The following DNAAF11 variants were observed in gnomAD, a reference collection of about 807,000 sequenced individuals.
The protein encoded by DNAAF11 is leucine rich repeat containing 6.
A neutral mutation model predicts 60.8 loss-of-function variants in DNAAF11; 45 were observed. That is an observed-to-expected ratio of 0.74 (90% CI 0.58 to 0.95). DNAAF11 has a LOEUF of 0.95. Among genes scored for constraint, DNAAF11 ranks in the 40% least tolerant of loss-of-function variants. The pLI is 0.00. For missense variants in DNAAF11, 546 were observed against 546.2 expected, an observed-to-expected ratio of 1.00 and a Z score of 0.00; for synonymous variants, 191 against 183.5, an observed-to-expected ratio of 1.04 and a Z score of -0.33.
At chr8:132,649,750 A>T (rs986317117) in intron 3 of DNAAF11, among the ~76,000 whole-genome samples, 1 of 152,268 alleles carries the variant, frequency 6.6e-6, no homozygotes, top group African/African-American at 2.4e-5. Context: ...TTATGCAGCC[A>T]ACAGACGCAT....
chr8:132,610,778 T>A (rs1818579895), intron 9 of DNAAF11, among the ~76,000 whole-genome samples: 1 of 152,182 alleles, frequency 6.6e-6, no homozygotes, highest in African/African-American at 2.4e-5. Context: ...TCCAACTACA[T>A]ATGGTCAGCA....
chr8:132,577,308 G>A (rs1814851820), intron 11 of DNAAF11, among the ~76,000 whole-genome samples: 2 of 152,240 alleles, frequency 1.3e-5, no homozygotes, highest in South Asian at 2.1e-4. Context: ...CTAAGCTGCC[G>A]AACCACCTAC....
At chr8:132,688,160 C>T in the DNAAF11 span, among the ~76,000 whole-genome samples, 13 of 152,304 alleles carry the variant, frequency 8.5e-5, no homozygotes, top group South Asian at 2.7e-3. Context: ...AATGTCCCGG[C>T]TCTCAACACC....
intron 11 of DNAAF11, among the ~76,000 whole-genome samples, chr8:132,575,795 G>A (rs1047854937): frequency 2.9e-4 from 44 of 152,310 alleles, no homozygotes; most frequent in African/African-American, 8.4e-4. Context: ...TACCTTCAGA[G>A]AGTGAGGTAC....
chr8:132,667,955 T>A (rs1455141219), intron 1 of DNAAF11, among the ~76,000 whole-genome samples: 2 of 152,212 alleles, frequency 1.3e-5, no homozygotes, highest in Admixed American at 1.3e-4. Flanking sequence ...TAATTTAGTG[T>A]TCATTCCTTC....
chr8:132,597,277 G>A (rs1350451628), intron 10 of DNAAF11, among the ~76,000 whole-genome samples: 8 of 152,140 alleles, frequency 5.3e-5, no homozygotes, highest in Admixed American at 3.3e-4. Context: ...AGAGCCCACC[G>A]AGCACTGCCA....
intron 11 of DNAAF11, among the ~76,000 whole-genome samples, chr8:132,581,378 G>A (rs534929871): frequency 4.6e-5 from 7 of 152,088 alleles, no homozygotes; most frequent in South Asian, 2.1e-4. Flanking sequence ...GGCTGGGTGC[G>A]GTGGCTCACA....
intron 3 of DNAAF11, among the ~76,000 whole-genome samples, chr8:132,654,768 C>T (rs1471093986): frequency 6.8e-6 from 1 of 147,044 alleles, no homozygotes; most frequent in Non-Finnish European, 1.5e-5. Flanking sequence ...AACTTAGATG[C>T]AAAAAAGTAA....
chr8:132,650,328 T>C (rs1431153933), intron 3 of DNAAF11, among the ~76,000 whole-genome samples: 1 of 145,178 alleles, frequency 6.9e-6, no homozygotes, highest in Non-Finnish European at 1.5e-5. Flanking sequence ...TGAGAACACA[T>C]GGACACAGGG....
chr8:132,642,807 T>C (rs1167565831), intron 3 of DNAAF11, among the ~76,000 whole-genome samples: 6 of 152,204 alleles, frequency 3.9e-5, no homozygotes, highest in Non-Finnish European at 8.8e-5. Flanking sequence ...TACCAAAGTT[T>C]ACACAGCTCC....
intron 1 of DNAAF11, among the ~76,000 whole-genome samples, chr8:132,670,893 C>T (rs548021171): frequency 2.6e-5 from 4 of 152,092 alleles, no homozygotes; most frequent in Non-Finnish European, 5.9e-5. Flanking sequence ...ACAAAATCCA[C>T]CATCCATTCC....
At chr8:132,582,753 C>T (rs965836660) in intron 11 of DNAAF11, among the ~76,000 whole-genome samples, 1 of 152,204 alleles carries the variant, frequency 6.6e-6, no homozygotes, top group African/African-American at 2.4e-5. Context: ...ATATATATAG[C>T]TCTTGTTCAG....
At chr8:132,659,557 C>CA (rs921525516) in intron 2 of DNAAF11, among the ~76,000 whole-genome samples, 55 of 152,296 alleles carry the variant, frequency 3.6e-4, no homozygotes, top group African/African-American at 1.1e-3. Flanking sequence ...TTCATGCCCC[C>CA]ATGCATAAAA....
intron 10 of DNAAF11, among the ~76,000 whole-genome samples, chr8:132,601,501 T>C (rs1049666869): frequency 2.0e-4 from 31 of 152,218 alleles, no homozygotes; most frequent in African/African-American, 7.5e-4. Flanking sequence ...CTATTCACAA[T>C]AGCAAAGACT....
At chr8:132,593,731 C>T (rs751073413) in intron 10 of DNAAF11, among the ~76,000 whole-genome samples, 5 of 151,944 alleles carry the variant, frequency 3.3e-5, no homozygotes, top group Non-Finnish European at 5.9e-5. Context: ...GAAAAAAACA[C>T]AGGCCTAAAA....
chr8:132,701,668 T>C, the DNAAF11 span, among the ~76,000 whole-genome samples: 4 of 152,248 alleles, frequency 2.6e-5, no homozygotes, highest in Non-Finnish European at 5.9e-5. Flanking sequence ...TGCTTCCCTT[T>C]GGATAAAGTG....
chr8:132,665,117 T>C (rs1485314523), intron 1 of DNAAF11, among the ~76,000 whole-genome samples: 1 of 152,082 alleles, frequency 6.6e-6, no homozygotes, highest in African/African-American at 2.4e-5. Context: ...CCAGCAGATC[T>C]TTTCTAAACT....
At chr8:132,616,948 G>A (rs1332085581) in intron 7 of DNAAF11, among the ~76,000 whole-genome samples, 1 of 152,124 alleles carries the variant, frequency 6.6e-6, no homozygotes, top group South Asian at 2.1e-4. Context: ...ATTCTGATTG[G>A]CTACTGTTGA....
chr8:132,695,624 T>C, the DNAAF11 span, among the ~76,000 whole-genome samples: 1 of 152,050 alleles, frequency 6.6e-6, no homozygotes, highest in East Asian at 1.9e-4. Context: ...AGAGGATAAG[T>C]ATGAAATAAT....
Sources: gnomAD v4.1 joint callset for allele counts (sites outside exome capture counted in the v4.1 genomes callset) on GRCh38, gnomAD v4.1.1 for gene constraint, MANE v1.5 for transcripts, NCBI Gene and HGNC (gene_info 2026-07-23, HGNC 2026-07-21) for gene names.